Variants in RPS6KA5 observed in about 807,000 individuals in gnomAD.
RPS6KA5 encodes the protein ribosomal protein S6 kinase alpha-5.
In RPS6KA5, 27 loss-of-function variants were observed where a neutral mutation model predicts 85.5. That is an observed-to-expected ratio of 0.32 (90% CI 0.23 to 0.44). The LOEUF (loss-of-function observed/expected upper bound fraction) is 0.44, where lower values mean the gene tolerates loss of function less well. RPS6KA5 is among the 20% of genes least tolerant of loss of function. The probability of loss-of-function intolerance (pLI) is 1.00; values close to 1 mark genes in which losing one functional copy is unlikely to be tolerated. For missense variants in RPS6KA5, 811 were observed against 980.9 expected, an observed-to-expected ratio of 0.83 and a Z score of 2.31; for synonymous variants, 334 against 348.2, an observed-to-expected ratio of 0.96 and a Z score of 0.46.
chr14:91,051,764 C>T (rs951394962), intron 1 of RPS6KA5, among the ~76,000 whole-genome samples: 1 of 151,790 alleles, frequency 6.6e-6, no homozygotes, highest in African/African-American at 2.4e-5. Context: ...GCTGGGATTA[C>T]AGGCATGAGC....
intron 3 of RPS6KA5, among the ~76,000 whole-genome samples, chr14:90,948,913 A>C (rs1595302924): frequency 6.6e-6 from 1 of 152,244 alleles, no homozygotes; most frequent in South Asian, 2.1e-4. Context: ...TCATGAACTC[A>C]CAAATTTTTC....
chr14:90,866,404 G>C lies in RPS6KA5; in HGVS notation c.*5670C>G, dbSNP rs2032804972. 6.6e-6 allele frequency: 1 copy of C among 152,480 alleles called. No homozygotes were observed. The highest frequency in any genetic ancestry group is 2.4e-5 in the African/African-American group (1 of 41,544). The allele number at this position is 152,480 out of a possible 1,614,324, so 9.4% of individuals were successfully genotyped here. Reference sequence around the variant, plus strand: ...GATTGCTTGAGCCCAGGAGGTGGAGGTTGCAGTGAGCTGTGATCACGCCAC... The same window carrying C: ...GATTGCTTGAGCCCAGGAGGTGGAGCTTGCAGTGAGCTGTGATCACGCCAC... On this transcript the variant is annotated 3_prime_UTR_variant, in exon 17 of 17. Transcript: ENST00000614987.
At chr14:90,984,506 C>G (rs2140503808) in intron 2 of RPS6KA5, among the ~76,000 whole-genome samples, 1 of 152,342 alleles carries the variant, frequency 6.6e-6, no homozygotes, top group East Asian at 1.9e-4. Flanking sequence ...CGCTTCTGTT[C>G]AAACTGAAAT....
At chr14:91,049,947 C>G (rs1232832845) in intron 1 of RPS6KA5, among the ~76,000 whole-genome samples, 1 of 152,208 alleles carries the variant, frequency 6.6e-6, no homozygotes, top group East Asian at 1.9e-4. Context: ...AATACAGTAA[C>G]GCAATTTCAT....
intron 7 of RPS6KA5, among the ~76,000 whole-genome samples, chr14:90,913,558 C>T (rs1175818615): frequency 1.3e-5 from 2 of 152,198 alleles, no homozygotes; most frequent in Non-Finnish European, 2.9e-5. Flanking sequence ...GGTGGAGCTA[C>T]TAGACTGGCT....
At chr14:90,919,524 A>C (rs1385905950) in intron 7 of RPS6KA5, among the ~76,000 whole-genome samples, 1 of 152,226 alleles carries the variant, frequency 6.6e-6, no homozygotes, top group African/African-American at 2.4e-5. Flanking sequence ...ACTAGTAATT[A>C]GTATAATGTT....
chr14:91,029,619 C>A (rs565707410), intron 1 of RPS6KA5, among the ~76,000 whole-genome samples: 2 of 152,218 alleles, frequency 1.3e-5, no homozygotes, highest in East Asian at 1.9e-4. Flanking sequence ...CCTCTCTGTA[C>A]CCTCATCTGT....
chr14:90,895,952 T>G (rs917878425), intron 12 of RPS6KA5, among the ~76,000 whole-genome samples: 9 of 152,166 alleles, frequency 5.9e-5, no homozygotes, highest in African/African-American at 2.2e-4. Flanking sequence ...GAAAAAGATA[T>G]CATGGCAATA....
chr14:90,972,188 T>G (rs187081656), intron 3 of RPS6KA5, among the ~76,000 whole-genome samples: 4 of 152,206 alleles, frequency 2.6e-5, no homozygotes, highest in African/African-American at 9.6e-5. Context: ...TAAATTAATT[T>G]TTTAATTTAC....
rs147512242 is a variant in RPS6KA5 at position 90,878,371 on chromosome 14, C to T, written c.1837-3011G>A. ...AACTTGTGTCACATGTGTTCCAGAT[C>T]CCCCCTCCCCTTCCTCGGATGCCAG... On this transcript the variant is annotated intron_variant, in intron 14 of 16. Coordinates refer to ENST00000614987, the MANE Select transcript of RPS6KA5 (RefSeq NM_004755.4). Among the ~76,000 whole-genome samples the T allele has an allele frequency of 1.8e-3, 269 of 152,204 alleles. 2 individuals carry two copies. The highest frequency in any genetic ancestry group is 3.4e-3 in the Middle Eastern group (1 of 294).
intron 5 of RPS6KA5, among the ~76,000 whole-genome samples, chr14:90,935,857 C>T (rs2037225729): frequency 6.6e-6 from 1 of 152,178 alleles, no homozygotes; most frequent in South Asian, 2.1e-4. Flanking sequence ...AAACAGAATG[C>T]ATATACCATA....
At chr14:91,022,010 G>A (rs2041804231) in intron 1 of RPS6KA5, among the ~76,000 whole-genome samples, 1 of 152,092 alleles carries the variant, frequency 6.6e-6, no homozygotes, top group Non-Finnish European at 1.5e-5. Flanking sequence ...TACATATTTA[G>A]ATCATATATT....
Position 90,945,922 on chromosome 14 carries a change from G to A in RPS6KA5, c.510+1513C>T, listed in dbSNP as rs75456996. 7.8e-4 allele frequency among the ~76,000 whole-genome samples: 119 copies of A among 152,236 alleles called. No individual in the cohort carries two copies. The East Asian group carries it at 0.022, about 28-fold the overall frequency. ...GGAGATTGACACGAGAGGATCACCT[G>A]AGCCTGGGAAGGTGGAGGCTGCAGT... On this transcript the variant is annotated intron_variant, in intron 4 of 16. Coordinates refer to ENST00000614987, the MANE Select transcript of RPS6KA5 (RefSeq NM_004755.4).
At chr14:90,994,732 C>T (rs150723066) in intron 2 of RPS6KA5, among the ~76,000 whole-genome samples, 3,084 of 151,098 alleles carry the variant, frequency 0.02, 82 homozygotes, top group African/African-American at 0.061. Flanking sequence ...CCACCATGCC[C>T]GGCTAATTTT....
chr14:90,941,737 G>A (rs2037583510), intron 5 of RPS6KA5, among the ~76,000 whole-genome samples: 1 of 152,198 alleles, frequency 6.6e-6, no homozygotes, highest in Non-Finnish European at 1.5e-5. Flanking sequence ...GAAGTACAGA[G>A]AGCCTGCTTT....
chr14:90,997,526 A>T (rs1019317784), intron 2 of RPS6KA5, among the ~76,000 whole-genome samples: 1 of 152,130 alleles, frequency 6.6e-6, no homozygotes, highest in Non-Finnish European at 1.5e-5. Context: ...ATACAGGCAC[A>T]TATCACACCA....
At chr14:91,013,690 A>C (rs994008953) in intron 1 of RPS6KA5, among the ~76,000 whole-genome samples, 1 of 152,220 alleles carries the variant, frequency 6.6e-6, no homozygotes, top group African/African-American at 2.4e-5. Context: ...AAGGCAAAGG[A>C]GAGGCAATAA....
At chr14:90,984,128 G>A (rs1001711569) in intron 2 of RPS6KA5, among the ~76,000 whole-genome samples, 10 of 152,186 alleles carry the variant, frequency 6.6e-5, no homozygotes, top group African/African-American at 2.4e-4. Flanking sequence ...TTACAGGCGT[G>A]AGCCACCACA....
At chr14:90,903,065 G>C (rs1220516084) in intron 8 of RPS6KA5, 96 bp from the exon 9 acceptor site, 2 of 1,026,658 alleles carry the variant, frequency 1.9e-6, no homozygotes, top group African/African-American at 1.6e-5. Context: ...CTGGTAGGGA[G>C]AGAGGATAAA....
Sources: gnomAD v4.1 joint callset for allele counts (sites outside exome capture counted in the v4.1 genomes callset) on GRCh38, gnomAD v4.1.1 for gene constraint, MANE v1.5 for transcripts, NCBI Gene and HGNC (gene_info 2026-07-23, HGNC 2026-07-21) for gene names.